ADAMTS17: variants seen among roughly 807,000 people sequenced by gnomAD.
The protein encoded by ADAMTS17 is A disintegrin and metalloproteinase with thrombospondin motifs 17.
Under a neutral mutation model 141.5 loss-of-function variants are expected in ADAMTS17, and 113 were observed. That is an observed-to-expected ratio of 0.80 (90% CI 0.69 to 0.93). The LOEUF is 0.93. Ranked by LOEUF, ADAMTS17 falls within the 40% of genes least tolerant of loss-of-function variation. The pLI is 0.00. For synonymous variants in ADAMTS17, 768 were observed against 630.6 expected, an observed-to-expected ratio of 1.22 and a Z score of -3.27; for missense variants, 1,659 against 1,517.9, an observed-to-expected ratio of 1.09 and a Z score of -1.54.
rs184218663 is a variant in ADAMTS17, at chr15:100,264,278, G to A, written c.790-1843C>T. Reference sequence around the variant, plus strand: ...GGAGGAGGGGGGAGGCACCCAACTTGTTCCTGTTTTGATAGTTCGAGAACC... The same window carrying A: ...GGAGGAGGGGGGAGGCACCCAACTTATTCCTGTTTTGATAGTTCGAGAACC... On this transcript the variant is annotated intron_variant, in intron 4 of 21. Transcript: ENST00000268070. 3.3e-5 allele frequency among the ~76,000 whole-genome samples: 5 copies of A among 152,096 alleles called. No homozygotes were observed. The East Asian group carries it at 7.8e-4, about 24-fold the overall frequency.
chr15:100,201,072 G>T (rs1427147130), intron 7 of ADAMTS17, among the ~76,000 whole-genome samples: 1 of 152,202 alleles, frequency 6.6e-6, no homozygotes, highest in African/African-American at 2.4e-5. Context: ...TGCCCCCAAA[G>T]AGCTAAACCA....
intron 15 of ADAMTS17, among the ~76,000 whole-genome samples, chr15:100,075,611 T>C (rs1481227478): frequency 6.6e-6 from 1 of 152,246 alleles, no homozygotes; most frequent in Non-Finnish European, 1.5e-5. Context: ...ACCTTTAATG[T>C]CTAATAACTA....
chr15:100,255,338 C>G (rs2043288689), intron 6 of ADAMTS17, among the ~76,000 whole-genome samples: 1 of 144,284 alleles, frequency 6.9e-6, no homozygotes, highest in Non-Finnish European at 1.5e-5. Context: ...TCTCTCAGGG[C>G]CCAAAGAACG....
Position 100,038,914 on chromosome 15 carries a change from C to T in ADAMTS17, c.2591+9943G>A, listed in dbSNP as rs377213976. On this transcript the variant is annotated intron_variant, in intron 18 of 21. Coordinates refer to ENST00000268070, the MANE Select transcript of ADAMTS17 (RefSeq NM_139057.4). ...TCCTGATCTTTGGAGAAAAGCATTC[C>T]GTCTTTCACTTTAAGTATGGTGTTG... is the stretch of plus-strand genomic sequence containing the variant. Among the ~76,000 whole-genome samples, 27 of 152,304 alleles carry T rather than the reference C, an allele frequency of 1.8e-4. No individual in the cohort carries two copies. The East Asian group carries it at 3.1e-3, about 17-fold the overall frequency.
chr15:100,235,434 G>A (rs148471914), intron 7 of ADAMTS17, among the ~76,000 whole-genome samples: 3 of 152,052 alleles, frequency 2.0e-5, no homozygotes, highest in Non-Finnish European at 2.9e-5. Flanking sequence ...GAGCCCTCCC[G>A]TCTCTCAGGT....
intron 10 of ADAMTS17, among the ~76,000 whole-genome samples, chr15:100,148,473 T>C (rs1303797348): frequency 1.3e-5 from 2 of 152,162 alleles, no homozygotes; most frequent in Non-Finnish European, 2.9e-5. Flanking sequence ...ATTTCACATG[T>C]AATTTTGAAA....
rs1344441856 is a variant in ADAMTS17 at position 100,152,873 on chromosome 15, G to A, written c.1323-111C>T. 13 of 1,305,578 alleles carry A rather than the reference G, an allele frequency of 1.0e-5. No homozygotes were observed. The East Asian group carries it at 1.2e-4, about 12-fold the overall frequency. 80.9% of individuals were successfully genotyped at this position (1,305,578 alleles called of 1,614,324 possible). On this transcript the variant is annotated intron_variant, in intron 9 of 21. Coordinates refer to ENST00000268070, the MANE Select transcript of ADAMTS17 (RefSeq NM_139057.4). ...GTCACTGAGAAGAGGGCACCTCCAC[G>A]TTCCTTATGGAAAAAGGACGCAGGC... is the stretch of plus-strand genomic sequence containing the variant.
chr15:100,003,508 C>G (rs1387756488), intron 18 of ADAMTS17, among the ~76,000 whole-genome samples: 1 of 151,992 alleles, frequency 6.6e-6, no homozygotes, highest in Admixed American at 6.6e-5. Flanking sequence ...ACTCTATCAT[C>G]CAGTGTTAGA....
intron 18 of ADAMTS17, among the ~76,000 whole-genome samples, chr15:100,009,784 T>C (rs946163839): frequency 1.3e-5 from 2 of 151,910 alleles, no homozygotes; most frequent in African/African-American, 2.4e-5. Context: ...TTCATCTTAA[T>C]TTTTTTTTCT....
intron 8 of ADAMTS17, among the ~76,000 whole-genome samples, chr15:100,157,655 T>C (rs949802258): frequency 1.2e-4 from 19 of 152,072 alleles, no homozygotes; most frequent in African/African-American, 4.4e-4. Flanking sequence ...TTGAACGAAT[T>C]ATCTGTTTAA....
At chr15:100,095,905 C>G (rs1049933597) in intron 15 of ADAMTS17, among the ~76,000 whole-genome samples, 2 of 152,214 alleles carry the variant, frequency 1.3e-5, no homozygotes, top group Non-Finnish European at 2.9e-5. Flanking sequence ...GCACCTGAGA[C>G]CTTCCAGACT....
chr15:100,235,415 AGTAGAGTTGAGCCCT>A (rs2042625710), intron 7 of ADAMTS17, among the ~76,000 whole-genome samples: 1 of 152,078 alleles, frequency 6.6e-6, no homozygotes, highest in East Asian at 1.9e-4. Flanking sequence ...ACATACGGCC[AGTAGAGTTGAGCCCT>A]CCCGTCTCTC....
chr15:100,025,599 A>G (rs1380336250), intron 18 of ADAMTS17, among the ~76,000 whole-genome samples: 1 of 151,852 alleles, frequency 6.6e-6, no homozygotes, highest in Non-Finnish European at 1.5e-5. Context: ...TTTTTAGTAG[A>G]GACAGGGTTT....
chr15:100,339,891 A>C (rs969615080), intron 2 of ADAMTS17, among the ~76,000 whole-genome samples: 1 of 146,538 alleles, frequency 6.8e-6, no homozygotes, highest in African/African-American at 2.4e-5. Context: ...GGTCTCACAT[A>C]AGACCTTGCA....
At chr15:100,108,666 G>A (rs903150464) in intron 14 of ADAMTS17, among the ~76,000 whole-genome samples, 2 of 152,336 alleles carry the variant, frequency 1.3e-5, no homozygotes, top group Admixed American at 1.3e-4. Context: ...GGCCTGGCTT[G>A]TGCAGACATC....
In ADAMTS17 at chr15:99,997,622, C is replaced by G. The variant is rs369460266; in HGVS notation, c.2592-33G>C. 1.9e-6 allele frequency: 3 copies of G among 1,611,612 alleles called. No individual in the cohort carries two copies. In the South Asian group the frequency reaches 3.3e-5, roughly 18 times the overall value. On this transcript the variant is annotated intron_variant, in intron 18 of 21. Coordinates refer to ENST00000268070, the MANE Select transcript of ADAMTS17 (RefSeq NM_139057.4). The surrounding 1 kb of genome is among the most constrained non-coding windows in gnomAD (Gnocchi z 4.7). The stretch of plus-strand genomic sequence containing the variant: ...ACGGGAGGAAAGAGAGAGAGAACGA[C>G]TGGGTGAGAGGCCAGCCTCTCCGGA...
chr15:100,009,001 G>A (rs942002959), intron 18 of ADAMTS17, among the ~76,000 whole-genome samples: 4 of 152,148 alleles, frequency 2.6e-5, no homozygotes, highest in South Asian at 4.2e-4. Flanking sequence ...CACCATGCCC[G>A]GCTAATTTTT....
intron 13 of ADAMTS17, 124 bp downstream of exon 13, chr15:100,116,723 G>T: frequency 7.5e-7 from 1 of 1,341,936 alleles, no homozygotes; most frequent in Non-Finnish European, 1.1e-6. Context: ...GAGCTGGGCA[G>T]AGGACTGGAG....
At chr15:100,199,912 G>A (rs962075695) in intron 7 of ADAMTS17, among the ~76,000 whole-genome samples, 1 of 152,244 alleles carries the variant, frequency 6.6e-6, no homozygotes, top group African/African-American at 2.4e-5. Flanking sequence ...ACCCTGAGAG[G>A]GAGCGCCTCC....
Sources: gnomAD v4.1 joint callset for allele counts (sites outside exome capture counted in the v4.1 genomes callset) on GRCh38, gnomAD v4.1.1 for gene constraint, Gnocchi (gnomAD v3.1) non-coding constraint, MANE v1.5 for transcripts, NCBI Gene and HGNC (gene_info 2026-07-23, HGNC 2026-07-21) for gene names.